Variants in GLG1 observed in about 807,000 individuals in gnomAD.
The protein encoded by GLG1 is Golgi apparatus protein 1.
In GLG1, 38 loss-of-function variants were observed where a neutral mutation model predicts 160.5. That is an observed-to-expected ratio of 0.24 (90% CI 0.18 to 0.31). The LOEUF (loss-of-function observed/expected upper bound fraction) is 0.31, where lower values mean the gene tolerates loss of function less well. Ranked by LOEUF, GLG1 falls within the 10% of genes least tolerant of loss-of-function variation. The pLI is 1.00. For synonymous variants in GLG1, 644 were observed against 543.4 expected, an observed-to-expected ratio of 1.19 and a Z score of -2.57; for missense variants, 1,373 against 1,505.2, an observed-to-expected ratio of 0.91 and a Z score of 1.45.
intron 1 of GLG1, among the ~76,000 whole-genome samples, chr16:74,565,717 G>A (rs1003414515): frequency 1.3e-5 from 2 of 152,162 alleles, no homozygotes; most frequent in African/African-American, 2.4e-5. Context: ...TTCCTGGTTC[G>A]AGAGGCTGCC....
rs576840035 is a variant in GLG1 at position 74,524,112 on chromosome 16, G to A, written c.471+8009C>T. ...GTAATCCCAGCACTCAGGTGGCTGA[G>A]GCAGGAGAATCACTTGAACCCAGGA... On this transcript the variant is annotated intron_variant, in intron 2 of 25. Transcript: ENST00000422840. 1.0e-3 allele frequency among the ~76,000 whole-genome samples: 159 copies of A among 152,208 alleles called. 5 individuals carry two copies. The South Asian group carries it at 0.03, about 29-fold the overall frequency.
At chr16:74,605,464 T>C (rs552011218) in intron 1 of GLG1, among the ~76,000 whole-genome samples, 2 of 152,298 alleles carry the variant, frequency 1.3e-5, no homozygotes, top group African/African-American at 4.8e-5. Context: ...TTCCAAAAAG[T>C]TCGACAGAGT....
intron 2 of GLG1, among the ~76,000 whole-genome samples, chr16:74,529,798 G>T (rs2017467454): frequency 7.1e-6 from 1 of 140,516 alleles, no homozygotes; most frequent in Non-Finnish European, 1.5e-5. Context: ...CTATTCCTTG[G>T]CTCTTTGAGA....
chr16:74,573,516 A>C (rs1465083901), intron 1 of GLG1, among the ~76,000 whole-genome samples: 2 of 107,886 alleles, frequency 1.9e-5, no homozygotes, highest in Non-Finnish European at 4.6e-5. Flanking sequence ...AAATTTTAAA[A>C]CTTATACTTA....
intron 1 of GLG1, among the ~76,000 whole-genome samples, chr16:74,577,248 G>C (rs1278121579): frequency 6.6e-6 from 1 of 152,120 alleles, no homozygotes; most frequent in African/African-American, 2.4e-5. Flanking sequence ...AGGACTGGGT[G>C]TGGTGGCTCC....
intron 1 of GLG1, among the ~76,000 whole-genome samples, chr16:74,551,366 C>A (rs2018193284): frequency 6.6e-6 from 1 of 151,958 alleles, no homozygotes; most frequent in Non-Finnish European, 1.5e-5. Context: ...GTGATTTCGG[C>A]TCACTGCAAC....
At chr16:74,538,306 T>C (rs1448114521) in intron 1 of GLG1, among the ~76,000 whole-genome samples, 13 of 151,650 alleles carry the variant, frequency 8.6e-5, no homozygotes, top group African/African-American at 1.5e-4. Context: ...TCAAGTCTTC[T>C]GGGAGTTTAT....
chr16:74,465,590 G>T, intron 19 of GLG1, 86 bp downstream of exon 19: 1 of 1,378,514 alleles, frequency 7.3e-7, no homozygotes, highest in Non-Finnish European at 1.0e-6. Flanking sequence ...CTTTGAGAAA[G>T]CTGAGCCTGA....
At chr16:74,563,716 G>C (rs1034109481) in intron 1 of GLG1, among the ~76,000 whole-genome samples, 1 of 140,502 alleles carries the variant, frequency 7.1e-6, no homozygotes, top group African/African-American at 2.7e-5. Flanking sequence ...AACAGAGTGA[G>C]ACCCTGTCTC....
chr16:74,574,115 A>G (rs1597361842), intron 1 of GLG1, among the ~76,000 whole-genome samples: 1 of 152,358 alleles, frequency 6.6e-6, no homozygotes, highest in East Asian at 1.9e-4. Flanking sequence ...AAAGTAGCTC[A>G]GCCTAAAGAT....
chr16:74,482,083 C>T (rs1597249839), intron 10 of GLG1, among the ~76,000 whole-genome samples: 2 of 151,960 alleles, frequency 1.3e-5, no homozygotes, highest in African/African-American at 4.8e-5. Context: ...CCACCGCGCC[C>T]GGTTCAAGTG....
intron 1 of GLG1, among the ~76,000 whole-genome samples, chr16:74,563,801 C>T (rs2018574753): frequency 6.6e-6 from 1 of 151,906 alleles, no homozygotes; most frequent in Non-Finnish European, 1.5e-5. Context: ...GCAGATTCTA[C>T]TGCAAAGGCT....
intron 23 of GLG1, among the ~76,000 whole-genome samples, chr16:74,459,166 C>G (rs1311660757): frequency 6.6e-6 from 1 of 152,138 alleles, no homozygotes; most frequent in Non-Finnish European, 1.5e-5. Flanking sequence ...ATAATGACAT[C>G]AGTGAAATTC....
chr16:74,496,418 G>A, intron 5 of GLG1, 23 bp downstream of exon 5: 1 of 1,488,144 alleles, frequency 6.7e-7, no homozygotes, highest in Middle Eastern at 1.7e-4. Context: ...AGGAAGAAAA[G>A]AACAGTTTCT....
chr16:74,528,998 GCT>G (rs1334633481), intron 2 of GLG1, among the ~76,000 whole-genome samples: 9 of 138,492 alleles, frequency 6.5e-5, no homozygotes, highest in African/African-American at 2.4e-4. Flanking sequence ...ACAGAATCTC[GCT>G]CTGTTGCCCA....
At chr16:74,496,240 C>G (rs1272075473) in intron 5 of GLG1, among the ~76,000 whole-genome samples, 1 of 152,028 alleles carries the variant, frequency 6.6e-6, no homozygotes, top group Non-Finnish European at 1.5e-5. Context: ...TGCACTCCAG[C>G]CTGGGCACCA....
chr16:74,475,586 G>C (rs576244420), intron 12 of GLG1, among the ~76,000 whole-genome samples: 1 of 152,190 alleles, frequency 6.6e-6, no homozygotes, highest in East Asian at 1.9e-4. Flanking sequence ...GCTATCTGTA[G>C]CATTAGTCTA....
intron 1 of GLG1, among the ~76,000 whole-genome samples, chr16:74,560,467 G>GC (rs2018481581): frequency 7.0e-6 from 1 of 141,884 alleles, no homozygotes; most frequent in Non-Finnish European, 1.5e-5. Context: ...CCGCCCCCCT[G>GC]CCCCCGCAGT....
chr16:74,529,120 C>G (rs1220246590), intron 2 of GLG1, among the ~76,000 whole-genome samples: 1 of 151,896 alleles, frequency 6.6e-6, no homozygotes. Flanking sequence ...GCACCTGCCA[C>G]CACACCCAGC....
Sources: gnomAD v4.1 joint callset for allele counts (sites outside exome capture counted in the v4.1 genomes callset) on GRCh38, gnomAD v4.1.1 for gene constraint, MANE v1.5 for transcripts, NCBI Gene and HGNC (gene_info 2026-07-23, HGNC 2026-07-21) for gene names.